Variants in DIS3L2 observed in about 807,000 individuals in gnomAD.
DIS3L2 encodes the protein DIS3 like 3'-5' exoribonuclease 2, also known as DIS3-like exonuclease 2.
DIS3L2 carries 34 observed loss-of-function variants against 97.5 expected under a neutral mutation model. That is an observed-to-expected ratio of 0.35 (90% confidence interval 0.27 to 0.46). The LOEUF (loss-of-function observed/expected upper bound fraction) is 0.46, where lower values mean the gene tolerates loss of function less well. Among genes scored for constraint, DIS3L2 ranks in the 20% least tolerant of loss-of-function variants. DIS3L2 has a pLI of 1.00. For missense variants in DIS3L2, 1,038 were observed against 1,146.0 expected (o/e 0.91, Z 1.36); for synonymous variants, 435 against 445.2 (o/e 0.98, Z 0.29).
At chr2:232,298,843 T>A (rs1311852681) in intron 13 of DIS3L2, among the ~76,000 whole-genome samples, 1 of 152,252 alleles carries the variant, frequency 6.6e-6, no homozygotes. Flanking sequence ...CAGGGCATGC[T>A]GCACCTCCTT....
intron 6 of DIS3L2, among the ~76,000 whole-genome samples, chr2:232,104,756 G>A (rs1235037398): frequency 6.6e-6 from 1 of 152,092 alleles, no homozygotes; most frequent in Admixed American, 6.6e-5. Flanking sequence ...CCTATTCTGT[G>A]GCTGAATAAT....
Position 232,192,857 on chromosome 2 carries a change from T to C in DIS3L2, c.1125-17469T>C, listed in dbSNP as rs1437676009. ...AAAGGGGAATTTGTTTTAAGGATGC[T>C]GTGGTGTCTCCCAGAATCCAAGGGC... On this transcript the variant is annotated intron_variant, in intron 9 of 20. Transcript: ENST00000325385. 3.3e-5 allele frequency among the ~76,000 whole-genome samples: 5 copies of C among 152,340 alleles called. No homozygotes were observed. In the East Asian group the frequency reaches 9.6e-4, roughly 29 times the overall value.
intron 10 of DIS3L2, among the ~76,000 whole-genome samples, chr2:232,237,741 G>C (rs990071698): frequency 5.3e-5 from 8 of 151,844 alleles, no homozygotes; most frequent in Admixed American, 2.6e-4. Flanking sequence ...TGGTGGGAGG[G>C]GGGTAGAGGA....
Position 232,263,273 on chromosome 2 carries a change from C to A in DIS3L2, c.1492C>A (p.Gln498Lys), listed in dbSNP as rs1693764748. 4 of 1,614,224 alleles carry A rather than the reference C, an allele frequency of 2.5e-6. No homozygotes were observed. The highest frequency in any genetic ancestry group is 3.4e-6 in the Non-Finnish European group (4 of 1,180,028). ...CACCAAACTTAGCTACGAGCATGCA[C>A]AGAGCATGATTGAAAGCCCAACTGA... The part of the protein sequence containing the change: ...SCTKLSYEHA[Q>K]SMIESPTEKI... The change falls in exon 13 of 21, where the codon CAG (glutamine) becomes AAG (lysine). Residue 498 changes from glutamine to lysine, a missense_variant. Transcript: ENST00000325385.
At chr2:232,116,861 C>G (rs1269885198) in intron 6 of DIS3L2, among the ~76,000 whole-genome samples, 1 of 151,648 alleles carries the variant, frequency 6.6e-6, no homozygotes, top group East Asian at 1.9e-4. Context: ...CAACAAAAAC[C>G]CCACCCAACT....
chr2:232,316,929 T>C (rs772930780), intron 14 of DIS3L2, among the ~76,000 whole-genome samples: 70 of 152,242 alleles, frequency 4.6e-4, no homozygotes, highest in Non-Finnish European at 8.2e-4. Flanking sequence ...GTACCGTTCC[T>C]GAAGAGGAAG....
intron 1 of DIS3L2, among the ~76,000 whole-genome samples, chr2:231,978,960 T>A (rs2106175227): frequency 6.6e-6 from 1 of 152,344 alleles, no homozygotes; most frequent in South Asian, 2.1e-4. Flanking sequence ...TCATATTGAT[T>A]GTAGGTCTTT....
exon 14 of DIS3L2, chr2:232,343,469 A>T: frequency 1.3e-6 from 2 of 1,555,812 alleles, no homozygotes; most frequent in South Asian, 2.4e-5. Flanking sequence ...TGTGACAGGG[A>T]TCCAGACACA....
intron 1 of DIS3L2, among the ~76,000 whole-genome samples, chr2:231,962,905 G>C (rs1692608134): frequency 6.6e-6 from 1 of 152,118 alleles, no homozygotes; most frequent in Admixed American, 6.5e-5. Flanking sequence ...CTGCTGTAAA[G>C]GACATGATAT....
chr2:231,964,405 T>C (rs149241178), intron 1 of DIS3L2, among the ~76,000 whole-genome samples: 354 of 152,306 alleles, frequency 2.3e-3, no homozygotes, highest in Admixed American at 9.0e-3. Context: ...TTGAGAAATA[T>C]TTCAAGTGAA....
chr2:232,158,282 AC>A (rs1397123912), intron 8 of DIS3L2, among the ~76,000 whole-genome samples: 4 of 150,758 alleles, frequency 2.7e-5, no homozygotes, highest in Non-Finnish European at 4.4e-5. Flanking sequence ...AGGTACTCAA[AC>A]CTTTCTGCAT....
intron 5 of DIS3L2, among the ~76,000 whole-genome samples, chr2:232,056,882 T>C (rs1339722635): frequency 6.6e-6 from 1 of 152,226 alleles, no homozygotes; most frequent in Non-Finnish European, 1.5e-5. Context: ...CTAAAGCTGC[T>C]GCTATCTTGT....
chr2:232,057,568 T>G (rs115155701), intron 5 of DIS3L2, among the ~76,000 whole-genome samples: 138 of 151,556 alleles, frequency 9.1e-4, no homozygotes, highest in African/African-American at 3.1e-3. Flanking sequence ...CTGCCAGGAG[T>G]TTTATAGCTC....
chr2:231,972,504 T>G (rs1226971727), intron 1 of DIS3L2, among the ~76,000 whole-genome samples: 1 of 152,266 alleles, frequency 6.6e-6, no homozygotes, highest in African/African-American at 2.4e-5. Flanking sequence ...TGTCATTGAC[T>G]GAAATGTCGT....
At chr2:231,985,043 C>T (rs1422497675) in intron 1 of DIS3L2, among the ~76,000 whole-genome samples, 1 of 152,246 alleles carries the variant, frequency 6.6e-6, no homozygotes, top group Non-Finnish European at 1.5e-5. Context: ...GTATCACCAT[C>T]AGGTAACTGC....
At chr2:232,062,873 CCCTT>C (rs1197928264) in intron 5 of DIS3L2, among the ~76,000 whole-genome samples, 1 of 151,588 alleles carries the variant, frequency 6.6e-6, no homozygotes. Context: ...TCCCTTCCTT[CCCTT>C]CCTTCCTTCC....
At position 232,087,572 on chromosome 2, in the gene DIS3L2, C is replaced by T. The variant is rs201279487; in HGVS notation, c.452C>T (p.Pro151Leu). The change falls in exon 6 of 21, where the codon CCG becomes CTG. Residue 151 changes from proline (P) to leucine (L), a missense_variant. Around this residue, in one of 3 missense-constraint regions of DIS3L2, gnomAD observed 813 missense variants for 880.1 expected, o/e 0.92. Coordinates refer to ENST00000325385, the MANE Select transcript of DIS3L2 (RefSeq NM_152383.5). ...GAGGAGCTCTGTGGACACCATCTCC[C>T]GCAACAGTCCCTGAAAAGCTATAAT... ...IPEELCGHHL[P>L]QQSLKSYNDS... is the part of the protein sequence containing the mutation. The T allele has an allele frequency of 7.4e-6, 12 of 1,614,002 alleles. No individual in the cohort carries two copies. The highest frequency in any genetic ancestry group is 2.7e-5 in the African/African-American group (2 of 74,978).
intron 5 of DIS3L2, among the ~76,000 whole-genome samples, chr2:232,082,566 C>T (rs781345091): frequency 5.3e-5 from 8 of 152,156 alleles, no homozygotes; most frequent in African/African-American, 9.7e-5. Flanking sequence ...AGTTTCATCC[C>T]GTAACAGCCC....
At chr2:231,966,641 ATTTTTTTTTTTTTTTTTTTT>A (rs36151054) in intron 1 of DIS3L2, among the ~76,000 whole-genome samples, 5 of 50,358 alleles carry the variant, frequency 9.9e-5, no homozygotes, top group South Asian at 1.0e-3. Context: ...GTTAAAAAAC[ATTTTTTTTTTTTTTTTTTTT>A]TTTTTTTTTT....
Sources: gnomAD v4.1 joint callset for allele counts (sites outside exome capture counted in the v4.1 genomes callset) on GRCh38, gnomAD v4.1.1 for gene constraint, gnomAD v4.1.1 regional missense constraint, MANE v1.5 for transcripts, NCBI Gene and HGNC (gene_info 2026-07-23, HGNC 2026-07-21) for gene names.